Variants in FRRS1 observed in about 807,000 individuals in gnomAD.
FRRS1 encodes ferric reductase 1.
FRRS1 carries 51 observed loss-of-function variants against 70.7 expected under a neutral mutation model. The observed-to-expected ratio is 0.72, with a 90% CI of 0.58 to 0.91. The LOEUF (loss-of-function observed/expected upper bound fraction) is 0.91, where lower values mean the gene tolerates loss of function less well. Among genes scored for constraint, FRRS1 ranks in the 40% least tolerant of loss-of-function variants. The pLI is 0.00. For synonymous variants in FRRS1, 225 were observed against 238.7 expected, an observed-to-expected ratio of 0.94 and a Z score of 0.53; for missense variants, 672 against 726.0, an observed-to-expected ratio of 0.93 and a Z score of 0.86.
rs1001956354 is a variant in FRRS1 at position 99,704,388 on chromosome 1, T to C, written c.*4640A>G. ...AGCAAGTCAGGGAAGGAGCTAGAAC[T>C]TGATAAACTAGCTTTTGTAAGTGAT... On this transcript the variant is annotated 3_prime_UTR_variant, in exon 17 of 17. Transcript: ENST00000646001. 1.3e-5 allele frequency among the ~76,000 whole-genome samples: 2 copies of C among 152,122 alleles called. No individual in the cohort carries two copies. Among genetic ancestry groups the C allele is most frequent in the Non-Finnish European group, 2.9e-5 (2 of 68,038 alleles).
chr1:99,709,731 G>A (rs1249778347), intron 15 of FRRS1, among the ~76,000 whole-genome samples: 5 of 152,156 alleles, frequency 3.3e-5, no homozygotes, highest in Admixed American at 2.6e-4. Context: ...ACTTTGGAAG[G>A]AAGAGGCGGG....
chr1:99,730,263 T>C (rs1383365431), intron 7 of FRRS1, among the ~76,000 whole-genome samples: 2 of 152,228 alleles, frequency 1.3e-5, no homozygotes, highest in African/African-American at 4.8e-5. Flanking sequence ...TGGAAGACAC[T>C]GTAAAGAAAT....
intron 9 of FRRS1, among the ~76,000 whole-genome samples, chr1:99,727,008 C>T (rs1166341003): frequency 1.3e-5 from 2 of 152,216 alleles, no homozygotes; most frequent in Non-Finnish European, 2.9e-5. Context: ...AGCCACTGCA[C>T]CCAGTCCATT....
rs189978578 is a variant in FRRS1, at chr1:99,720,987, C to T, written c.1007-1340G>A. 9.2e-5 allele frequency among the ~76,000 whole-genome samples: 14 copies of T among 151,984 alleles called. No homozygotes were observed. In the East Asian group the frequency reaches 2.5e-3, roughly 27 times the overall value. On this transcript the variant is annotated intron_variant, in intron 9 of 16. Coordinates refer to ENST00000646001, the MANE Select transcript of FRRS1 (RefSeq NM_001361041.2). Reference sequence around the variant, plus strand: ...AAAGGTAGAACTTAAGCTAGTAACCCTAAAAATCAGAAAAGTCAGTCCTCT... The same window carrying T: ...AAAGGTAGAACTTAAGCTAGTAACCTTAAAAATCAGAAAAGTCAGTCCTCT...
At chr1:99,750,664 A>C (rs1401228631) in intron 1 of FRRS1, among the ~76,000 whole-genome samples, 1 of 134,510 alleles carries the variant, frequency 7.4e-6, no homozygotes, top group Non-Finnish European at 1.5e-5. Flanking sequence ...ATAGAAAAAT[A>C]TCAAACTGAA....
intron 12 of FRRS1, among the ~76,000 whole-genome samples, chr1:99,715,190 T>G (rs1179353040): frequency 6.6e-6 from 1 of 152,128 alleles, no homozygotes; most frequent in Non-Finnish European, 1.5e-5. Flanking sequence ...TATAAAGCAC[T>G]TAGCACCGCT....
chr1:99,755,038 A>G (rs960430622), intron 1 of FRRS1, among the ~76,000 whole-genome samples: 1 of 152,152 alleles, frequency 6.6e-6, no homozygotes, highest in South Asian at 2.1e-4. Context: ...AAAAATATCT[A>G]CAACATAAAA....
At chr1:99,742,704 C>CT (rs1364343797) in intron 4 of FRRS1, among the ~76,000 whole-genome samples, 2 of 152,208 alleles carry the variant, frequency 1.3e-5, no homozygotes, top group African/African-American at 4.8e-5. Flanking sequence ...TTGTTTCCCA[C>CT]TTTCATGCAC....
intron 9 of FRRS1, among the ~76,000 whole-genome samples, chr1:99,726,268 G>T (rs973301479): frequency 1.3e-5 from 2 of 152,090 alleles, no homozygotes; most frequent in African/African-American, 4.8e-5. Flanking sequence ...GAGGCCTCCC[G>T]AGCCATGCTT....
In FRRS1 at chr1:99,708,625, A is replaced by AAAAATATATATATAT. The variant is rs1553169357; in HGVS notation, c.*402_*403insATATATATATATTTT. 1.9e-5 allele frequency: 1 copy of AAAAATATATATATAT among 52,734 alleles called. No individual in the cohort carries two copies. Among genetic ancestry groups the AAAAATATATATATAT allele is most frequent in the Non-Finnish European group, 3.1e-5 (1 of 32,522 alleles). The allele number at this position is 52,734 out of a possible 1,614,324, so 3.3% of individuals were successfully genotyped here. On this transcript the variant is annotated 3_prime_UTR_variant, in exon 17 of 17. Transcript: ENST00000646001. ...AAAAAAAAAAAAAAAAAAAAAAAAA[A>AAAAATATATATATAT]ATATATATATATATATATATATATA...
intron 1 of FRRS1, among the ~76,000 whole-genome samples, chr1:99,754,509 G>GAGAGAGAGAGAGAGAGAA (rs1557707355): frequency 1.7e-5 from 1 of 57,750 alleles, no homozygotes; most frequent in African/African-American, 9.2e-5. Flanking sequence ...GAGAGAGAAA[G>GAGAGAGAGAGAGAGAGAA]AGAGAGAGAG....
At chr1:99,726,556 C>A (rs1350146676) in intron 9 of FRRS1, among the ~76,000 whole-genome samples, 2 of 152,200 alleles carry the variant, frequency 1.3e-5, no homozygotes, top group Non-Finnish European at 2.9e-5. Flanking sequence ...CATGCAAAGC[C>A]TCTGTGAGAA....
chr1:99,717,889 A>C (rs1654612987), intron 10 of FRRS1, among the ~76,000 whole-genome samples: 1 of 152,170 alleles, frequency 6.6e-6, no homozygotes, highest in Admixed American at 6.5e-5. Context: ...TGGAATACAA[A>C]CCCTATCTGG....
rs1287281622 is a variant in FRRS1 at position 99,708,866 on chromosome 1, T to C, written c.*162A>G. The C allele has an allele frequency of 2.0e-6, 3 of 1,464,874 alleles. No individual in the cohort carries two copies. In the African/African-American group the frequency reaches 4.2e-5, roughly 20 times the overall value. The allele number at this position is 1,464,874 out of a possible 1,614,324, so 90.7% of individuals were successfully genotyped here. The stretch of plus-strand genomic sequence containing the variant: ...ATAGTCTATATGACCCTCTTGAATG[T>C]TGTTCTCTAAAGGCTGGACTTCAGA... On this transcript the variant is annotated 3_prime_UTR_variant, in exon 17 of 17. Transcript: ENST00000646001.
intron 4 of FRRS1, 65 bp from the exon 5 acceptor site, chr1:99,742,338 A>G: frequency 1.0e-6 from 1 of 981,422 alleles, no homozygotes; most frequent in Non-Finnish European, 1.6e-6. Flanking sequence ...TGGAACTTCT[A>G]TCATTTTGCG....
chr1:99,748,839 C>T, intron 2 of FRRS1, 58 bp downstream of exon 2: 1 of 1,092,930 alleles, frequency 9.1e-7, no homozygotes, highest in Admixed American at 2.4e-5. Flanking sequence ...CACAACTGGA[C>T]CATAATTCTA....
At chr1:99,725,676 A>C (rs1367437344) in intron 9 of FRRS1, among the ~76,000 whole-genome samples, 1 of 152,154 alleles carries the variant, frequency 6.6e-6, no homozygotes, top group Non-Finnish European at 1.5e-5. Flanking sequence ...CCGGCAAGGG[A>C]GGGGGAACAA....
chr1:99,759,333 T>C (rs1657007665), intron 1 of FRRS1, among the ~76,000 whole-genome samples: 1 of 152,216 alleles, frequency 6.6e-6, no homozygotes, highest in African/African-American at 2.4e-5. Flanking sequence ...AAACTGTCTC[T>C]CTTTATTTCT....
At chr1:99,741,525 G>C (rs1014496198) in intron 5 of FRRS1, among the ~76,000 whole-genome samples, 16 of 152,208 alleles carry the variant, frequency 1.1e-4, no homozygotes, top group African/African-American at 3.4e-4. Context: ...GGAATCATTA[G>C]ATGGCATTAT....
Sources: allele counts gnomAD v4.1 joint callset (sites outside exome capture counted in the v4.1 genomes callset), GRCh38; gene constraint gnomAD v4.1.1; transcripts MANE v1.5; gene names NCBI Gene and HGNC (gene_info 2026-07-23, HGNC 2026-07-21).